Variants in PAPPA2 observed in about 807,000 individuals in gnomAD.
PAPPA2 encodes the protein pappalysin-2.
A neutral mutation model predicts 176.4 loss-of-function variants in PAPPA2; 86 were observed. The observed-to-expected ratio is 0.49, with a 90% CI of 0.41 to 0.58. The LOEUF (loss-of-function observed/expected upper bound fraction) is 0.58. PAPPA2 is among the 20% of genes least tolerant of loss of function. The pLI is 0.00. For missense variants in PAPPA2, 2,073 were observed against 2,256.9 expected, an observed-to-expected ratio of 0.92 and a Z score of 1.65; for synonymous variants, 809 against 852.2, an observed-to-expected ratio of 0.95 and a Z score of 0.88.
chr1:176,499,041 C>G (rs1647806326), intron 1 of PAPPA2, among the ~76,000 whole-genome samples: 1 of 151,968 alleles, frequency 6.6e-6, no homozygotes. Flanking sequence ...TAACTGGCAA[C>G]TAAGTGAGAA....
chr1:176,617,651 T>G (rs1020562487), intron 3 of PAPPA2, among the ~76,000 whole-genome samples: 2 of 151,898 alleles, frequency 1.3e-5, no homozygotes, highest in Non-Finnish European at 2.9e-5. Context: ...ATGGCGCATA[T>G]ATATATATAT....
At chr1:176,519,332 C>T (rs531396156) in intron 1 of PAPPA2, among the ~76,000 whole-genome samples, 4 of 152,100 alleles carry the variant, frequency 2.6e-5, no homozygotes, top group East Asian at 1.9e-4. Context: ...TGTAGGGCTG[C>T]GGGAGACTCC....
At chr1:176,475,249 A>C (rs565096714) in intron 1 of PAPPA2, among the ~76,000 whole-genome samples, 11 of 152,304 alleles carry the variant, frequency 7.2e-5, no homozygotes, top group African/African-American at 2.6e-4. Context: ...GCTGGCACAG[A>C]GTAGGTGGTC....
intron 14 of PAPPA2, among the ~76,000 whole-genome samples, chr1:176,747,389 T>A (rs114437579): frequency 0.01 from 1,529 of 152,220 alleles, 35 homozygotes; most frequent in African/African-American, 0.035. Flanking sequence ...TGGGAAAGTG[T>A]AGGAAATATG....
At chr1:176,596,094 T>C (rs967926862) in intron 3 of PAPPA2, among the ~76,000 whole-genome samples, 5 of 152,244 alleles carry the variant, frequency 3.3e-5, no homozygotes, top group Non-Finnish European at 7.3e-5. Context: ...TAAAGTTTCG[T>C]GTTACATCTC....
intron 14 of PAPPA2, among the ~76,000 whole-genome samples, chr1:176,755,002 A>G (rs61821260): frequency 0.099 from 15,048 of 152,200 alleles, 751 homozygotes; most frequent in South Asian, 0.18. Flanking sequence ...GCATGATTTT[A>G]GCACAGTCTC....
intron 17 of PAPPA2, among the ~76,000 whole-genome samples, chr1:176,771,916 A>C (rs1664247687): frequency 6.6e-6 from 1 of 152,158 alleles, no homozygotes; most frequent in African/African-American, 2.4e-5. Context: ...GAGTAACCTC[A>C]AGCAAGTTAC....
intron 3 of PAPPA2, among the ~76,000 whole-genome samples, chr1:176,630,696 A>G (rs1656289711): frequency 6.6e-6 from 1 of 152,216 alleles, no homozygotes; most frequent in Admixed American, 6.5e-5. Context: ...AGCTAACTAT[A>G]CAGGCTCTGA....
intron 1 of PAPPA2, among the ~76,000 whole-genome samples, chr1:176,545,458 ATAAT>A (rs952760091): frequency 3.4e-5 from 5 of 148,980 alleles, no homozygotes; most frequent in Admixed American, 1.3e-4. Context: ...AAATAAATAA[ATAAT>A]ACACCTGAAC....
intron 12 of PAPPA2, among the ~76,000 whole-genome samples, chr1:176,729,575 G>A (rs1440613408): frequency 2.0e-5 from 3 of 151,962 alleles, no homozygotes; most frequent in Non-Finnish European, 4.4e-5. Flanking sequence ...AGAGAAAGCA[G>A]AAAAGATCTA....
At chr1:176,614,816 A>C (rs1211528671) in intron 3 of PAPPA2, among the ~76,000 whole-genome samples, 1 of 152,226 alleles carries the variant, frequency 6.6e-6, no homozygotes, top group African/African-American at 2.4e-5. Flanking sequence ...ACATTAATGC[A>C]CATCACCATT....
intron 1 of PAPPA2, among the ~76,000 whole-genome samples, chr1:176,479,602 G>T (rs1237678016): frequency 6.6e-6 from 1 of 152,182 alleles, no homozygotes. Flanking sequence ...TATTTGCTGG[G>T]TAATTTTAAG....
chr1:176,640,490 A>G (rs1182730960), intron 3 of PAPPA2, among the ~76,000 whole-genome samples: 8 of 151,562 alleles, frequency 5.3e-5, no homozygotes, highest in East Asian at 2.0e-4. Flanking sequence ...ATGATTTCCA[A>G]TTTCATCCAT....
intron 1 of PAPPA2, among the ~76,000 whole-genome samples, chr1:176,531,458 A>G (rs1035620484): frequency 7.9e-5 from 12 of 152,234 alleles, no homozygotes; most frequent in African/African-American, 7.2e-5. Context: ...GAATTAATCA[A>G]TATTTACTGA....
chr1:176,722,572 A>G (rs146812607), intron 12 of PAPPA2, among the ~76,000 whole-genome samples: 12 of 151,914 alleles, frequency 7.9e-5, no homozygotes, highest in Non-Finnish European at 1.3e-4. Context: ...AACTCTTCTT[A>G]GTTTTTTGGA....
chr1:176,620,456 A>G (rs1284457586), intron 3 of PAPPA2, among the ~76,000 whole-genome samples: 1 of 152,166 alleles, frequency 6.6e-6, no homozygotes, highest in Non-Finnish European at 1.5e-5. Flanking sequence ...TCAAATTAAT[A>G]GTCTAGACAT....
At chr1:176,719,853 G>A (rs1271167835) in intron 12 of PAPPA2, among the ~76,000 whole-genome samples, 1 of 152,106 alleles carries the variant, frequency 6.6e-6, no homozygotes, top group Non-Finnish European at 1.5e-5. Flanking sequence ...TTATCACTAG[G>A]AGACAAAATG....
At chr1:176,718,678 C>T (rs1661479625) in intron 12 of PAPPA2, among the ~76,000 whole-genome samples, 1 of 149,770 alleles carries the variant, frequency 6.7e-6, no homozygotes, top group African/African-American at 2.5e-5. Context: ...AACTTGAAAA[C>T]ATATGTGGAT....
At chr1:176,693,572 AAG>A (rs753887489) in intron 6 of PAPPA2, among the ~76,000 whole-genome samples, 53 of 152,328 alleles carry the variant, frequency 3.5e-4, no homozygotes, top group Non-Finnish European at 5.7e-4. Context: ...GGAGAGAGGC[AAG>A]AGAGAGACAG....
Sources: allele counts gnomAD v4.1 joint callset (sites outside exome capture counted in the v4.1 genomes callset), GRCh38; gene constraint gnomAD v4.1.1; transcripts MANE v1.5; gene names NCBI Gene and HGNC (gene_info 2026-07-23, HGNC 2026-07-21).